The following RSU1 variants were observed in gnomAD, a reference collection of about 807,000 sequenced individuals.
The protein encoded by RSU1 is rsu-1.
A neutral mutation model predicts 31.1 loss-of-function variants in RSU1; 26 were observed. The observed-to-expected ratio is 0.84, with a 90% CI of 0.61 to 1.16. The LOEUF (loss-of-function observed/expected upper bound fraction) is 1.16. Ranked by LOEUF, RSU1 falls within the 50% of genes most tolerant of loss-of-function variation. RSU1 has a pLI of 0.00. For missense variants in RSU1, 320 were observed against 339.1 expected, an observed-to-expected ratio of 0.94 and a Z score of 0.44; for synonymous variants, 164 against 136.3, an observed-to-expected ratio of 1.20 and a Z score of -1.41.
At chr10:16,738,977 C>G (rs1384039643) in intron 7 of RSU1, among the ~76,000 whole-genome samples, 1 of 151,808 alleles carries the variant, frequency 6.6e-6, no homozygotes, top group Non-Finnish European at 1.5e-5. Context: ...TTTTCTGTTC[C>G]TATGTTAGGC....
At chr10:16,726,039 A>T (rs72774633) in intron 7 of RSU1, among the ~76,000 whole-genome samples, 4 of 151,604 alleles carry the variant, frequency 2.6e-5, no homozygotes, top group African/African-American at 9.7e-5. Context: ...GTGTATATAC[A>T]TATAAAACTT....
chr10:16,733,003 T>C (rs1301133431), intron 7 of RSU1, among the ~76,000 whole-genome samples: 15 of 151,858 alleles, frequency 9.9e-5, no homozygotes, highest in Admixed American at 9.8e-4. Context: ...ATCTGTAAAA[T>C]GGGAAAAAAG....
intron 2 of RSU1, among the ~76,000 whole-genome samples, chr10:16,805,939 T>C (rs542006990): frequency 1.4e-4 from 21 of 152,274 alleles, no homozygotes; most frequent in Admixed American, 9.8e-4. Flanking sequence ...CCATTGGAAC[T>C]ACCAGTATAA....
chr10:16,700,227 C>T (rs1449394356), intron 7 of RSU1, among the ~76,000 whole-genome samples: 1 of 152,142 alleles, frequency 6.6e-6, no homozygotes, highest in East Asian at 1.9e-4. Flanking sequence ...AGCATTCCCT[C>T]CCTTCCTAAT....
At chr10:16,683,592 A>T (rs1299599346) in intron 8 of RSU1, among the ~76,000 whole-genome samples, 1 of 152,204 alleles carries the variant, frequency 6.6e-6, no homozygotes, top group African/African-American at 2.4e-5. Context: ...AATTTACCAA[A>T]TACTTTTTTG....
intron 7 of RSU1, among the ~76,000 whole-genome samples, chr10:16,728,918 G>A (rs544043820): frequency 1.6e-4 from 25 of 152,202 alleles, no homozygotes; most frequent in Admixed American, 3.9e-4. Flanking sequence ...AGTGACTTGG[G>A]TGACATGTGG....
intron 8 of RSU1, among the ~76,000 whole-genome samples, chr10:16,623,631 A>T (rs1834108459): frequency 6.6e-6 from 1 of 152,152 alleles, no homozygotes; most frequent in South Asian, 2.1e-4. Flanking sequence ...ACTAACTCAT[A>T]TTCCCACCAG....
Position 16,679,477 on chromosome 10 carries a change from A to G in RSU1, c.731+15546T>C, listed in dbSNP as rs145781178. 9.2e-3 allele frequency among the ~76,000 whole-genome samples: 1,397 copies of G among 152,314 alleles called. 7 individuals carry two copies. The highest frequency in any genetic ancestry group is 0.015 in the Non-Finnish European group (999 of 68,026). ...CTACTAATGAAAGTAGAGGCCCTAAAGAAAGATGATAAAAGGAGCTTAGAG... is the reference window on the plus strand; with the variant it reads ...CTACTAATGAAAGTAGAGGCCCTAAGGAAAGATGATAAAAGGAGCTTAGAG... On this transcript the variant is annotated intron_variant, in intron 8 of 8. Coordinates refer to ENST00000345264, the MANE Select transcript of RSU1 (RefSeq NM_012425.4).
intron 8 of RSU1, among the ~76,000 whole-genome samples, chr10:16,612,463 G>T (rs189580471): frequency 2.6e-5 from 4 of 152,278 alleles, no homozygotes; most frequent in Admixed American, 6.5e-5. Context: ...TCCTGAACAG[G>T]CAGCTCCCAA....
chr10:16,762,598 G>A (rs1366851851), intron 4 of RSU1, among the ~76,000 whole-genome samples: 2 of 151,650 alleles, frequency 1.3e-5, no homozygotes, highest in Admixed American at 1.3e-4. Flanking sequence ...AATAAAGGCT[G>A]CCCATGGATC....
intron 7 of RSU1, among the ~76,000 whole-genome samples, chr10:16,738,646 T>A (rs191797893): frequency 7.2e-4 from 110 of 152,122 alleles, no homozygotes; most frequent in African/African-American, 2.6e-3. Context: ...AAAACATAAA[T>A]TAACAATAAA....
intron 2 of RSU1, among the ~76,000 whole-genome samples, chr10:16,795,199 C>T (rs1448616408): frequency 6.6e-6 from 1 of 151,652 alleles, no homozygotes; most frequent in Non-Finnish European, 1.5e-5. Context: ...ACTAAAAATA[C>T]AAAAATTAGC....
At chr10:16,686,417 C>A (rs1835441150) in intron 8 of RSU1, among the ~76,000 whole-genome samples, 2 of 152,168 alleles carry the variant, frequency 1.3e-5, no homozygotes, top group South Asian at 4.1e-4. Flanking sequence ...TCAGTGAGGT[C>A]AATATCCAAT....
chr10:16,715,621 C>G (rs1836124791), intron 7 of RSU1, among the ~76,000 whole-genome samples: 1 of 152,266 alleles, frequency 6.6e-6, no homozygotes, highest in East Asian at 1.9e-4. Context: ...ACCATTTAGG[C>G]AAGGATTTAT....
chr10:16,713,360 G>A (rs538003453), intron 7 of RSU1, among the ~76,000 whole-genome samples: 49 of 152,174 alleles, frequency 3.2e-4, no homozygotes, highest in Admixed American at 7.8e-4. Context: ...TAATGGTATC[G>A]CATGAGTCCC....
intron 8 of RSU1, among the ~76,000 whole-genome samples, chr10:16,623,943 C>T (rs1483813105): frequency 2.0e-5 from 3 of 152,134 alleles, no homozygotes; most frequent in Non-Finnish European, 2.9e-5. Flanking sequence ...TGAGCTCTTG[C>T]TCCTGGCTCC....
chr10:16,714,871 T>A (rs1836105290), intron 7 of RSU1, among the ~76,000 whole-genome samples: 1 of 152,124 alleles, frequency 6.6e-6, no homozygotes, highest in African/African-American at 2.4e-5. Context: ...AGGCATTGCA[T>A]CTGTGTGAGC....
At chr10:16,648,519 A>G (rs560341740) in intron 8 of RSU1, among the ~76,000 whole-genome samples, 2 of 152,300 alleles carry the variant, frequency 1.3e-5, no homozygotes, top group East Asian at 1.9e-4. Flanking sequence ...GAGAAGCTGT[A>G]GTCTACAGTT....
intron 8 of RSU1, among the ~76,000 whole-genome samples, chr10:16,618,768 A>C (rs1834022419): frequency 6.6e-6 from 1 of 152,226 alleles, no homozygotes; most frequent in Admixed American, 6.5e-5. Flanking sequence ...CATAAGTGGT[A>C]GTTGAATGAT....
Sources: gnomAD v4.1 joint callset for allele counts (sites outside exome capture counted in the v4.1 genomes callset) on GRCh38, gnomAD v4.1.1 for gene constraint, MANE v1.5 for transcripts, NCBI Gene and HGNC (gene_info 2026-07-23, HGNC 2026-07-21) for gene names.